The following KRT80 variants were observed in gnomAD, a reference collection of about 807,000 sequenced individuals.
KRT80 encodes the protein keratin 80, also known as keratin, type II cytoskeletal 80.
Under a neutral mutation model 51.5 loss-of-function variants are expected in KRT80, and 36 were observed. The observed-to-expected ratio is 0.70, with a 90% CI of 0.54 to 0.92. The LOEUF (loss-of-function observed/expected upper bound fraction) is 0.92, where lower values mean the gene tolerates loss of function less well. Ranked by LOEUF, KRT80 falls within the 40% of genes least tolerant of loss-of-function variation. The probability of loss-of-function intolerance (pLI) is 0.00; values close to 1 mark genes in which losing one functional copy is unlikely to be tolerated. For synonymous variants in KRT80, 235 were observed against 248.3 expected, an observed-to-expected ratio of 0.95 and a Z score of 0.50; for missense variants, 566 against 591.7, an observed-to-expected ratio of 0.96 and a Z score of 0.45.
intron 2 of KRT80, among the ~76,000 whole-genome samples, chr12:52,184,132 C>T (rs71453274): frequency 6.6e-6 from 1 of 152,238 alleles, no homozygotes; most frequent in African/African-American, 2.4e-5. Flanking sequence ...CAGGTGCTCT[C>T]CACTCTCCAG....
At chr12:52,188,319 A>G (rs1941435863) in intron 1 of KRT80, among the ~76,000 whole-genome samples, 1 of 152,148 alleles carries the variant, frequency 6.6e-6, no homozygotes, top group Non-Finnish European at 1.5e-5. Context: ...TCCATTTTAC[A>G]GATGAAGAAA....
At chr12:52,184,279 C>T (rs563669239) in intron 2 of KRT80, among the ~76,000 whole-genome samples, 9 of 152,272 alleles carry the variant, frequency 5.9e-5, no homozygotes, top group African/African-American at 1.9e-4. Context: ...CTGGAGGTCT[C>T]CTTGCAAGGA....
chr12:52,172,893 T>C, intron 6 of KRT80, 145 bp downstream of exon 6: 1 of 903,888 alleles, frequency 1.1e-6, no homozygotes. Flanking sequence ...TATTATCCCA[T>C]TTGACAGATT....
At chr12:52,180,817 G>A (rs1249784530) in intron 3 of KRT80, 86 bp downstream of exon 3, 12 of 1,604,486 alleles carry the variant, frequency 7.5e-6, no homozygotes, top group African/African-American at 1.3e-5. Context: ...GCTTTGATTG[G>A]GCATAAAGGA....
chr12:52,176,906 C>T (rs1283123167), intron 4 of KRT80, among the ~76,000 whole-genome samples: 2 of 152,158 alleles, frequency 1.3e-5, no homozygotes, highest in African/African-American at 4.8e-5. Flanking sequence ...GAATGCTTAC[C>T]ATGTGTCAGT....
Position 52,191,773 on chromosome 12 carries a change from G to A in KRT80, c.130C>T (p.Arg44Cys), listed in dbSNP as rs573751377. ...CRAPGPGFSS[R>C]SLTGCWSAGT... ...GCCGACCAGCAGCCTGTGAGGCTGCGGGAGCTGAAGCCCGGCCCGGGGGCC... is the reference window on the plus strand; with the variant it reads ...GCCGACCAGCAGCCTGTGAGGCTGCAGGAGCTGAAGCCCGGCCCGGGGGCC... Residue 44 changes from arginine (R) to cysteine (C), a missense_variant, in exon 1 of 9, where the codon CGC (arginine) becomes TGC (cysteine). Physicochemically the swap from Arg to Cys is radical, Grantham distance 180. Transcript: ENST00000394815. 3.6e-5 allele frequency: 58 copies of A among 1,612,298 alleles called. No individual in the cohort carries two copies. In the Admixed American group the frequency reaches 7.2e-4, roughly 20 times the overall value.
intron 2 of KRT80, among the ~76,000 whole-genome samples, chr12:52,184,209 C>T (rs1941366646): frequency 6.6e-6 from 1 of 152,278 alleles, no homozygotes; most frequent in Non-Finnish European, 1.5e-5. Flanking sequence ...GGGGCTGGGC[C>T]GCAGCACTGC....
intron 2 of KRT80, among the ~76,000 whole-genome samples, chr12:52,183,173 G>A (rs955042409): frequency 6.6e-6 from 1 of 152,138 alleles, no homozygotes; most frequent in African/African-American, 2.4e-5. Flanking sequence ...GTAAATAGAG[G>A]GCTAGACTGC....
rs375655767 is a variant in KRT80, at chr12:52,183,797, A to C, written c.509+1582T>G. 3.3e-5 allele frequency among the ~76,000 whole-genome samples: 5 copies of C among 152,292 alleles called. No individual in the cohort carries two copies. The East Asian group carries it at 9.7e-4, about 29-fold the overall frequency. Reference sequence around the variant, plus strand: ...GCTGGGGTTAGGGATGGGACTTAGCATGCAAGGCTGTGTAACTGAGGACAA... The same window carrying C: ...GCTGGGGTTAGGGATGGGACTTAGCCTGCAAGGCTGTGTAACTGAGGACAA... On this transcript the variant is annotated intron_variant, in intron 2 of 8. Transcript: ENST00000394815.
chr12:52,180,732 C>T, intron 3 of KRT80, 124 bp from the exon 4 acceptor site: 1 of 1,597,466 alleles, frequency 6.3e-7, no homozygotes, highest in Non-Finnish European at 8.5e-7. Context: ...GGCTCAGAGC[C>T]TCGAAAAAGG....
intron 4 of KRT80, among the ~76,000 whole-genome samples, chr12:52,179,436 G>A (rs1433032889): frequency 1.3e-5 from 2 of 152,180 alleles, no homozygotes; most frequent in Non-Finnish European, 2.9e-5. Context: ...GGACTGCCTA[G>A]GAGGGCTGCC....
chr12:52,191,831 G>A lies in KRT80; in HGVS notation c.72C>T (p.Pro24=), dbSNP rs1384085017. The change falls in exon 1 of 9, where the codon CCC becomes CCT. Residue 24 remains proline (P), a synonymous_variant. Coordinates refer to ENST00000394815, the MANE Select transcript of KRT80 (RefSeq NM_182507.3). Reference sequence around the variant, plus strand: ...TGTCCCATCCTGAGGTTCCAGGCCGGGGGCTGCCCACCGGGGTCACCTCAC... The same window carrying A: ...TGTCCCATCCTGAGGTTCCAGGCCGAGGGCTGCCCACCGGGGTCACCTCAC... The part of the protein sequence containing the change: ...SSCEVTPVGS[P]RPGTSGWDSC... 1 of 1,587,264 alleles carries A rather than the reference G, an allele frequency of 6.3e-7. No individual in the cohort carries two copies. Among genetic ancestry groups the A allele is most frequent in the East Asian group, 2.3e-5 (1 of 44,020 alleles).
chr12:52,180,696 A>C (rs1023041997), intron 3 of KRT80, 88 bp from the exon 4 acceptor site: 10 of 1,596,640 alleles, frequency 6.3e-6, no homozygotes, highest in Non-Finnish European at 8.5e-6. Flanking sequence ...CCTGGGTGAG[A>C]GTGGGGGTGA....
In KRT80 at chr12:52,171,508, C is replaced by A. The variant is rs1941101911; in HGVS notation, c.1249G>T (p.Gly417Cys). The A allele has an allele frequency of 6.2e-7, 1 of 1,613,274 alleles. No individual in the cohort carries two copies. The highest frequency in any genetic ancestry group is 1.7e-5 in the Admixed American group (1 of 59,894). ...SRCKTAASRSGLSKAPSRKKK... is the reference protein window; with the variant it reads ...SRCKTAASRSCLSKAPSRKKK... ...TTTCGGGAGGGGGCCTTGGAGAGGCCTGATCTGGAGGCAGCTACAGGGAAC... is the reference window on the plus strand; with the variant it reads ...TTTCGGGAGGGGGCCTTGGAGAGGCATGATCTGGAGGCAGCTACAGGGAAC... Residue 417 changes from glycine to cysteine, a missense_variant, in exon 9 of 9, where the codon GGC becomes TGC. Gly to Cys is a radical substitution (Grantham distance 159). Transcript: ENST00000394815.
rs754799027 is a variant in KRT80, at chr12:52,172,340, C to A, written c.1036G>T (p.Ala346Ser). Residue 346 changes from alanine to serine, a missense_variant, in exon 7 of 9, where the codon GCC (alanine) becomes TCC (serine). Coordinates refer to ENST00000394815, the MANE Select transcript of KRT80 (RefSeq NM_182507.3). ...TGCTGCAGGGCGGCCTCCAGCTGGG[C>A]CAGCTTGGTCTTGGCATCCTGGAAG... ...LAFQDAKTKL[A>S]QLEAALQQAK... 1.2e-6 allele frequency: 2 copies of A among 1,614,200 alleles called. No homozygotes were observed. Among genetic ancestry groups the A allele is most frequent in the Admixed American group, 3.3e-5 (2 of 60,026 alleles).
At position 52,182,896 on chromosome 12, in the gene KRT80, C is replaced by A. The variant is rs868188576; in HGVS notation, c.510-1933G>T. Among the ~76,000 whole-genome samples, 48 of 152,296 alleles carry A rather than the reference C, an allele frequency of 3.2e-4. No homozygotes were observed. The Middle Eastern group carries it at 0.017, about 54-fold the overall frequency. ...TGGGCTGCGGCTGGACACTGGGTTC[C>A]AGTCTGCAGCCAGTCCCCTTAAGAC... is the stretch of plus-strand genomic sequence containing the variant. On this transcript the variant is annotated intron_variant, in intron 2 of 8. Coordinates refer to ENST00000394815, the MANE Select transcript of KRT80 (RefSeq NM_182507.3).
chr12:52,190,512 C>A (rs1016630518), intron 1 of KRT80, among the ~76,000 whole-genome samples: 2 of 152,204 alleles, frequency 1.3e-5, no homozygotes, highest in African/African-American at 4.8e-5. Context: ...TGGGGGAGAC[C>A]AGCAACATGC....
At position 52,172,182 on chromosome 12, in the gene KRT80, C is replaced by T. The variant is rs774612725; in HGVS notation, c.1178+16G>A. The T allele has an allele frequency of 2.5e-6, 4 of 1,612,314 alleles. No homozygotes were observed. Among genetic ancestry groups the T allele is most frequent in the Non-Finnish European group, 3.4e-6 (4 of 1,179,628 alleles). On this transcript the variant is annotated intron_variant, in intron 7 of 8. Coordinates refer to ENST00000394815, the MANE Select transcript of KRT80 (RefSeq NM_182507.3). ...TCCTTCCCCTGCAGCCCTTCCTCAC[C>T]AGCCCTGGCTCTCACCTGCCCTCCT... is the stretch of plus-strand genomic sequence containing the variant.
At position 52,169,667 on chromosome 12, in the gene KRT80, G is replaced by T. The variant is rs1350500012; in HGVS notation, c.*1731C>A. ...ATACAGACTGATCATGCAGAAACAG[G>T]AAGGGAAGCAATAAGTTAAAAGCCA... On this transcript the variant is annotated 3_prime_UTR_variant, in exon 9 of 9. Transcript: ENST00000394815. 1 of 152,608 alleles carries T rather than the reference G, an allele frequency of 6.6e-6. No individual in the cohort carries two copies. The highest frequency in any genetic ancestry group is 1.9e-4 in the East Asian group (1 of 5,200). 9.5% of individuals were successfully genotyped at this position (152,608 alleles called of 1,614,324 possible).
Sources: gnomAD v4.1 joint callset for allele counts (sites outside exome capture counted in the v4.1 genomes callset) on GRCh38, gnomAD v4.1.1 for gene constraint, MANE v1.5 for transcripts, NCBI Gene and HGNC (gene_info 2026-07-23, HGNC 2026-07-21) for gene names.